DIS3L2: variants seen among roughly 807,000 people sequenced by gnomAD.
The protein encoded by DIS3L2 is DIS3 like 3'-5' exoribonuclease 2.
In DIS3L2, 34 loss-of-function variants were observed where a neutral mutation model predicts 97.5. The ratio of observed to expected loss-of-function variants is 0.35; its 90% confidence interval spans 0.27 to 0.46. The LOEUF (loss-of-function observed/expected upper bound fraction) is 0.46, where lower values mean the gene tolerates loss of function less well. Among genes scored for constraint, DIS3L2 ranks in the 20% least tolerant of loss-of-function variants. The pLI, the probability that DIS3L2 is intolerant of heterozygous loss-of-function variation, is 1.00. For synonymous variants in DIS3L2, 435 were observed against 445.2 expected, an observed-to-expected ratio of 0.98 and a Z score of 0.29; for missense variants, 1,038 against 1,146.0, an observed-to-expected ratio of 0.91 and a Z score of 1.36.
chr2:232,307,132 G>A (rs2106327345), intron 14 of DIS3L2, among the ~76,000 whole-genome samples: 1 of 152,362 alleles, frequency 6.6e-6, no homozygotes, highest in African/African-American at 2.4e-5. Flanking sequence ...TTAGCACTGT[G>A]CCTTTCAGTT....
At chr2:232,124,868 C>T (rs866838171) in intron 6 of DIS3L2, among the ~76,000 whole-genome samples, 37 of 152,144 alleles carry the variant, frequency 2.4e-4, no homozygotes, top group African/African-American at 8.4e-4. Flanking sequence ...ACCAGGATAA[C>T]CTTTTCTCAT....
At chr2:232,059,042 T>C (rs973393332) in intron 5 of DIS3L2, among the ~76,000 whole-genome samples, 1 of 152,200 alleles carries the variant, frequency 6.6e-6, no homozygotes, top group Non-Finnish European at 1.5e-5. Context: ...AAAATAGTGC[T>C]TCTGGGGTAA....
rs1575017757 is a variant in DIS3L2, at chr2:232,321,829, C to T, written c.1740-7984C>T. Reference sequence around the variant, plus strand: ...CAGGGGGGCCTGGAAACAAGGCTTCCAAGGTGGCAACAGTGTCCCAGCCCA... The same window carrying T: ...CAGGGGGGCCTGGAAACAAGGCTTCTAAGGTGGCAACAGTGTCCCAGCCCA... On this transcript the variant is annotated intron_variant, in intron 14 of 20. Coordinates refer to ENST00000325385, the MANE Select transcript of DIS3L2 (RefSeq NM_152383.5). 3.9e-5 allele frequency among the ~76,000 whole-genome samples: 6 copies of T among 152,162 alleles called. No homozygotes were observed. The South Asian group carries it at 1.0e-3, about 26-fold the overall frequency.
chr2:232,051,861 G>T (rs72989614), intron 5 of DIS3L2, among the ~76,000 whole-genome samples: 1,472 of 132,092 alleles, frequency 0.011, 18 homozygotes, highest in Non-Finnish European at 0.017. Context: ...GATTGGAAGA[G>T]AAAACAAAGC....
chr2:231,983,903 A>G (rs1320886690), intron 1 of DIS3L2, among the ~76,000 whole-genome samples: 1 of 150,870 alleles, frequency 6.6e-6, no homozygotes, highest in Non-Finnish European at 1.5e-5. Context: ...AAAAAAAAAA[A>G]GAAAAGAATT....
intron 5 of DIS3L2, among the ~76,000 whole-genome samples, chr2:232,084,046 A>G (rs914774202): frequency 3.3e-5 from 5 of 152,216 alleles, no homozygotes; most frequent in Non-Finnish European, 5.9e-5. Context: ...GGTCAGGGGC[A>G]GATGTTCCTA....
intron 14 of DIS3L2, among the ~76,000 whole-genome samples, chr2:232,302,553 CTTCT>C (rs1266082587): frequency 1.4e-5 from 2 of 139,958 alleles, no homozygotes; most frequent in Admixed American, 7.5e-5. Context: ...TTTTCTTCTT[CTTCT>C]TTTTTTTTTT....
chr2:232,240,612 C>A (rs1196090977), intron 11 of DIS3L2, among the ~76,000 whole-genome samples: 2 of 152,198 alleles, frequency 1.3e-5, no homozygotes, highest in Non-Finnish European at 2.9e-5. Flanking sequence ...GTGTCCCTCC[C>A]TGACCTCTGT....
At chr2:232,239,804 A>G (rs974243679) in intron 11 of DIS3L2, among the ~76,000 whole-genome samples, 5 of 152,362 alleles carry the variant, frequency 3.3e-5, no homozygotes, top group African/African-American at 1.2e-4. Flanking sequence ...AGGAAAGCCC[A>G]AAAGTTTCTA....
intron 5 of DIS3L2, among the ~76,000 whole-genome samples, chr2:232,079,457 G>C (rs755584030): frequency 6.6e-6 from 1 of 151,694 alleles, no homozygotes; most frequent in Admixed American, 6.6e-5. Context: ...TTAGCTGGGC[G>C]TGGTGGCTGG....
chr2:232,168,674 C>T (rs918581849), intron 9 of DIS3L2, among the ~76,000 whole-genome samples: 6 of 151,998 alleles, frequency 3.9e-5, no homozygotes, highest in African/African-American at 1.2e-4. Flanking sequence ...CATCTGTACA[C>T]CTCACCTACC....
At chr2:232,064,840 A>G (rs1372676719) in intron 5 of DIS3L2, among the ~76,000 whole-genome samples, 1 of 152,130 alleles carries the variant, frequency 6.6e-6, no homozygotes, top group Non-Finnish European at 1.5e-5. Flanking sequence ...TATATATGTT[A>G]TTCTCTGATG....
At chr2:232,097,615 C>T (rs568837480) in intron 6 of DIS3L2, among the ~76,000 whole-genome samples, 74 of 151,790 alleles carry the variant, frequency 4.9e-4, no homozygotes, top group African/African-American at 1.5e-3. Context: ...ATGAATGTTG[C>T]TAGGCCTGGG....
chr2:232,230,689 G>A (rs151281787), intron 10 of DIS3L2, among the ~76,000 whole-genome samples: 1 of 152,324 alleles, frequency 6.6e-6, no homozygotes, highest in South Asian at 2.1e-4. Flanking sequence ...GGTCTGCAGA[G>A]TGGGTGAGGT....
intron 5 of DIS3L2, among the ~76,000 whole-genome samples, chr2:232,055,192 C>A (rs1307042386): frequency 1.3e-5 from 2 of 152,164 alleles, no homozygotes; most frequent in Non-Finnish European, 2.9e-5. Context: ...AGCGAGGATG[C>A]TCACTATCAT....
chr2:232,089,118 G>A (rs993376173), intron 6 of DIS3L2, among the ~76,000 whole-genome samples: 10 of 152,236 alleles, frequency 6.6e-5, no homozygotes, highest in African/African-American at 2.2e-4. Context: ...GGAGAAGGAT[G>A]ACTGCTTTTC....
intron 9 of DIS3L2, among the ~76,000 whole-genome samples, chr2:232,170,670 T>C (rs1451524757): frequency 6.6e-6 from 1 of 152,226 alleles, no homozygotes; most frequent in Non-Finnish European, 1.5e-5. Flanking sequence ...AAACAGGACA[T>C]TGTATTCACT....
intron 8 of DIS3L2, 117 bp from the exon 9 acceptor site, chr2:232,163,342 C>A: frequency 4.2e-6 from 4 of 959,612 alleles, no homozygotes; most frequent in Non-Finnish European, 4.6e-6. Context: ...CATGTTTCTA[C>A]TGGTGGAAGG....
intron 6 of DIS3L2, among the ~76,000 whole-genome samples, chr2:232,101,090 G>T (rs1697190515): frequency 6.6e-6 from 1 of 151,804 alleles, no homozygotes; most frequent in Non-Finnish European, 1.5e-5. Flanking sequence ...ACAAAAATTA[G>T]GCGTGGTGGT....
Sources: allele counts gnomAD v4.1 joint callset (sites outside exome capture counted in the v4.1 genomes callset), GRCh38; gene constraint gnomAD v4.1.1; transcripts MANE v1.5; gene names NCBI Gene and HGNC (gene_info 2026-07-23, HGNC 2026-07-21).